Variants in SLC25A12 observed in about 807,000 individuals in gnomAD.
The protein encoded by SLC25A12 is solute carrier family 25 member 12.
SLC25A12 carries 32 observed loss-of-function variants against 83.3 expected under a neutral mutation model. The ratio of observed to expected loss-of-function variants is 0.38; its 90% confidence interval spans 0.29 to 0.52. The LOEUF (loss-of-function observed/expected upper bound fraction) is 0.52. Among genes scored for constraint, SLC25A12 ranks in the 20% least tolerant of loss-of-function variants. The probability of loss-of-function intolerance (pLI) is 0.84; values close to 1 mark genes in which losing one functional copy is unlikely to be tolerated. For synonymous variants in SLC25A12, 267 were observed against 291.1 expected (o/e 0.92, Z 0.84); for missense variants, 611 against 835.6 (o/e 0.73, Z 3.31).
intron 4 of SLC25A12, among the ~76,000 whole-genome samples, chr2:171,855,530 C>T (rs1205910859): frequency 1.3e-5 from 2 of 152,046 alleles, no homozygotes; most frequent in Non-Finnish European, 2.9e-5. Context: ...TCAAAATCGA[C>T]CTTGTAAGGA....
At chr2:171,791,378 G>T (rs1368413639) in intron 15 of SLC25A12, 73 bp downstream of exon 15, 9 of 1,234,258 alleles carry the variant, frequency 7.3e-6, no homozygotes, top group Non-Finnish European at 9.6e-6. Flanking sequence ...AATAAAGGGG[G>T]AAAGTACATA....
chr2:171,867,325 C>T (rs1685353791), intron 3 of SLC25A12, among the ~76,000 whole-genome samples: 1 of 151,674 alleles, frequency 6.6e-6, no homozygotes, highest in African/African-American at 2.4e-5. Flanking sequence ...CACACCACTG[C>T]ACTCCAGCCT....
At chr2:171,846,711 C>A (rs1684804526) in intron 4 of SLC25A12, among the ~76,000 whole-genome samples, 1 of 152,114 alleles carries the variant, frequency 6.6e-6, no homozygotes, top group African/African-American at 2.4e-5. Flanking sequence ...GAGGCTGAGG[C>A]AGGAGAATTG....
chr2:171,883,937 T>C (rs1231061824), intron 2 of SLC25A12, among the ~76,000 whole-genome samples: 4 of 152,192 alleles, frequency 2.6e-5, no homozygotes, highest in East Asian at 3.9e-4. Flanking sequence ...CCTAGCTCAC[T>C]GTAACCTCAG....
rs140105798 is a variant in SLC25A12 at position 171,833,995 on chromosome 2, T to C, written c.813A>G (p.Leu271=). The C allele has an allele frequency of 1.2e-4, 188 of 1,606,348 alleles. 1 individual carries two copies. In the South Asian group the frequency reaches 1.7e-3, roughly 14 times the overall value. ...GQVTPLEIDI[L]YQLADLYNAS... ...CATTATATAAGTCTGCAAGCTGATATAGAATATCAATTTCTAGTGGTGTGA... is the reference window on the plus strand; with the variant it reads ...CATTATATAAGTCTGCAAGCTGATACAGAATATCAATTTCTAGTGGTGTGA... The change falls in exon 8 of 18, where the codon CTA becomes CTG. Residue 271 remains leucine (L), a synonymous_variant. Transcript: ENST00000422440.
chr2:171,839,296 C>A (rs1328126169), intron 5 of SLC25A12, among the ~76,000 whole-genome samples: 3 of 152,246 alleles, frequency 2.0e-5, no homozygotes, highest in East Asian at 3.9e-4. Context: ...AATACCCACA[C>A]CTAAAGCCCA....
At chr2:171,870,414 G>A (rs1050153518) in intron 2 of SLC25A12, among the ~76,000 whole-genome samples, 2 of 152,094 alleles carry the variant, frequency 1.3e-5, no homozygotes, top group Non-Finnish European at 2.9e-5. Context: ...TTGAGCCCAG[G>A]AGTTCAAGAC....
At chr2:171,791,632 AGTGT>A (rs1436739521) in intron 14 of SLC25A12, 43 bp from the exon 15 acceptor site, 1 of 1,594,168 alleles carries the variant, frequency 6.3e-7, no homozygotes, top group Non-Finnish European at 8.6e-7. Flanking sequence ...TGTGAAACTG[AGTGT>A]GAATGCCCAA....
intron 3 of SLC25A12, among the ~76,000 whole-genome samples, chr2:171,866,565 C>G (rs1375161947): frequency 1.4e-3 from 82 of 59,034 alleles, no homozygotes; most frequent in Admixed American, 3.1e-3. Flanking sequence ...CCTCCCGAAC[C>G]GGGCGGCTGG....
intron 13 of SLC25A12, among the ~76,000 whole-genome samples, chr2:171,794,273 T>C (rs1683551031): frequency 6.6e-6 from 1 of 152,228 alleles, no homozygotes; most frequent in African/African-American, 2.4e-5. Context: ...TTAAAACTAC[T>C]TTGGTGCCTT....
chr2:171,853,253 G>A (rs118148925), intron 4 of SLC25A12, among the ~76,000 whole-genome samples: 2,853 of 152,236 alleles, frequency 0.019, 57 homozygotes, highest in Admixed American at 0.068. Context: ...GATTCTTGAG[G>A]GCTCATATGT....
intron 4 of SLC25A12, among the ~76,000 whole-genome samples, chr2:171,849,345 T>C (rs1558930315): frequency 7.2e-6 from 1 of 138,596 alleles, no homozygotes; most frequent in Non-Finnish European, 1.5e-5. Flanking sequence ...CCTTGAGTAC[T>C]AAAAAAAAAA....
intron 13 of SLC25A12, among the ~76,000 whole-genome samples, chr2:171,806,068 G>T (rs566639317): frequency 1.1e-4 from 16 of 152,124 alleles, no homozygotes; most frequent in Middle Eastern, 3.4e-3. Context: ...AGCTGAGATC[G>T]CACCACGCCA....
Position 171,787,794 on chromosome 2 carries a change from G to A in SLC25A12, c.1739C>T (p.Thr580Ile). 6.2e-7 allele frequency: 1 copy of A among 1,614,216 alleles called. No individual in the cohort carries two copies. The highest frequency in any genetic ancestry group is 8.5e-7 in the Non-Finnish European group (1 of 1,180,046). ...EEGPSAFWKG[T>I]AARVFRSSPQ... is the part of the protein sequence containing the mutation. ...TGGCTCCAGCCCCTGCCTACCTGCA[G>A]TCCCTTTCCAAAATGCTGAGGGCCC... Residue 580 changes from threonine to isoleucine, a missense_variant, in exon 16 of 18, where the codon ACT (threonine) becomes ATT (isoleucine). By Grantham distance (89) the Thr-to-Ile change is moderately conservative. This residue lies in a region of SLC25A12 where 540 missense variants were observed against 777.5 expected (regional missense o/e 0.69). Coordinates refer to ENST00000422440, the MANE Select transcript of SLC25A12 (RefSeq NM_003705.5).
chr2:171,886,303 A>T (rs1685816672), intron 2 of SLC25A12, among the ~76,000 whole-genome samples: 1 of 138,542 alleles, frequency 7.2e-6, no homozygotes, highest in East Asian at 2.2e-4. Context: ...CACATGGCTC[A>T]CTGCAGCCTC....
intron 2 of SLC25A12, among the ~76,000 whole-genome samples, chr2:171,883,887 G>T (rs1685751894): frequency 6.6e-6 from 1 of 151,954 alleles, no homozygotes; most frequent in South Asian, 2.1e-4. Context: ...AAGAGACAGG[G>T]TCTTACTCTA....
intron 4 of SLC25A12, among the ~76,000 whole-genome samples, chr2:171,850,272 C>G (rs1159299770): frequency 2.0e-5 from 3 of 149,578 alleles, no homozygotes; most frequent in Admixed American, 6.7e-5. Context: ...CATGCCACCA[C>G]GCCCGGCTAA....
At chr2:171,887,473 AAG>A (rs1002153764) in intron 2 of SLC25A12, among the ~76,000 whole-genome samples, 3 of 152,360 alleles carry the variant, frequency 2.0e-5, no homozygotes, top group Non-Finnish European at 4.4e-5. Flanking sequence ...ATTAACTAAA[AAG>A]AGAGAGAGAT....
intron 2 of SLC25A12, among the ~76,000 whole-genome samples, chr2:171,888,615 A>G (rs1217224675): frequency 6.7e-6 from 1 of 148,708 alleles, no homozygotes; most frequent in Non-Finnish European, 1.5e-5. Flanking sequence ...CTAATTTTTT[A>G]TATTTTTTAT....
Sources: allele counts gnomAD v4.1 joint callset (sites outside exome capture counted in the v4.1 genomes callset), GRCh38; gene constraint gnomAD v4.1.1; regional missense constraint gnomAD v4.1.1; transcripts MANE v1.5; gene names NCBI Gene and HGNC (gene_info 2026-07-23, HGNC 2026-07-21).